Variants in SCTR observed in about 807,000 individuals in gnomAD.
SCTR encodes pancreatic secretin receptor.
SCTR carries 56 observed loss-of-function variants against 60.8 expected under a neutral mutation model. That is an observed-to-expected ratio of 0.92 (90% CI 0.74 to 1.15). The LOEUF is 1.15. SCTR is among the 50% of genes most tolerant of loss of function. SCTR has a pLI of 0.00. For missense variants in SCTR, 562 were observed against 550.4 expected (o/e 1.02, Z -0.21); for synonymous variants, 202 against 217.0 (o/e 0.93, Z 0.61).
At chr2:119,478,968 G>T in intron 2 of SCTR, 50 bp from the exon 3 acceptor site, 1 of 1,610,800 alleles carries the variant, frequency 6.2e-7, no homozygotes, top group Non-Finnish European at 8.5e-7. Flanking sequence ...ACCGAGGGCT[G>T]CCCTACCATC....
intron 3 of SCTR, among the ~76,000 whole-genome samples, chr2:119,478,192 C>A (rs1677421892): frequency 6.6e-6 from 1 of 152,178 alleles, no homozygotes. Flanking sequence ...TTTACTGGAT[C>A]AAGGGAAAAG....
At chr2:119,497,090 A>C (rs1678378650) in intron 1 of SCTR, among the ~76,000 whole-genome samples, 1 of 152,182 alleles carries the variant, frequency 6.6e-6, no homozygotes, top group Non-Finnish European at 1.5e-5. Flanking sequence ...CCTCCTCTTC[A>C]TGTCTTCACC....
chr2:119,486,249 A>T (rs544581837), intron 2 of SCTR: 1 of 152,232 alleles, frequency 6.6e-6, no homozygotes, highest in East Asian at 1.9e-4. Flanking sequence ...TAGGAGACGG[A>T]AGAGCATCAG....
In SCTR at chr2:119,444,221, A is replaced by G. The variant is rs184358202; in HGVS notation, c.1140+2538T>C. Among the ~76,000 whole-genome samples the G allele has an allele frequency of 8.2e-3, 1,208 of 147,004 alleles. 29 individuals are homozygous for G. Among genetic ancestry groups the G allele is most frequent in the Non-Finnish European group, 0.012 (814 of 66,902 alleles). On this transcript the variant is annotated intron_variant, in intron 11 of 12. Transcript: ENST00000019103. ...CATATGTATATATACATATGAATAT[A>G]TACACATATACATATGAATATATAC...
At chr2:119,505,356 A>C (rs1358416293) in intron 1 of SCTR, among the ~76,000 whole-genome samples, 1 of 151,822 alleles carries the variant, frequency 6.6e-6, no homozygotes, top group Non-Finnish European at 1.5e-5. Context: ...TAACATTAGG[A>C]GATATATCTA....
chr2:119,514,737 G>T (rs1274824779), intron 1 of SCTR, among the ~76,000 whole-genome samples: 2 of 152,128 alleles, frequency 1.3e-5, no homozygotes, highest in African/African-American at 2.4e-5. Flanking sequence ...AATCAGCCAA[G>T]CGTGGTGGCG....
chr2:119,497,664 A>T (rs1678401869), intron 1 of SCTR, among the ~76,000 whole-genome samples: 2 of 152,132 alleles, frequency 1.3e-5, no homozygotes, highest in Admixed American at 1.3e-4. Context: ...GAAATAAAAG[A>T]TATAAAGAAG....
At chr2:119,483,972 G>C (rs1471767383) in intron 2 of SCTR, among the ~76,000 whole-genome samples, 4 of 152,110 alleles carry the variant, frequency 2.6e-5, no homozygotes, top group Non-Finnish European at 5.9e-5. Context: ...ATGGGAGGCA[G>C]GGGAGAGCGC....
At chr2:119,472,190 G>A (rs184090195) in intron 4 of SCTR, among the ~76,000 whole-genome samples, 3 of 152,272 alleles carry the variant, frequency 2.0e-5, no homozygotes, top group East Asian at 3.9e-4. Context: ...GGTGGCACAC[G>A]CTGATCATTT....
At chr2:119,459,586 T>A (rs911649921) in intron 7 of SCTR, among the ~76,000 whole-genome samples, 16 of 152,334 alleles carry the variant, frequency 1.1e-4, no homozygotes, top group Admixed American at 7.2e-4. Flanking sequence ...TCAGGGTCTC[T>A]TTGGTGTCTG....
At chr2:119,445,819 A>G (rs1278658968) in intron 11 of SCTR, among the ~76,000 whole-genome samples, 1 of 152,230 alleles carries the variant, frequency 6.6e-6, no homozygotes. Context: ...TCCCTATCAT[A>G]CTTATGACCC....
chr2:119,474,274 C>T (rs1376889669), intron 3 of SCTR, among the ~76,000 whole-genome samples: 1 of 152,166 alleles, frequency 6.6e-6, no homozygotes, highest in African/African-American at 2.4e-5. Context: ...GCTGGCTGGA[C>T]AGAAAGGCAA....
intron 2 of SCTR, among the ~76,000 whole-genome samples, chr2:119,493,723 C>T (rs534439381): frequency 1.3e-5 from 2 of 149,242 alleles, no homozygotes; most frequent in African/African-American, 4.9e-5. Flanking sequence ...CTCACTGCAA[C>T]CTCTGCATCC....
chr2:119,468,770 A>G (rs1438941061), intron 4 of SCTR, among the ~76,000 whole-genome samples: 1 of 152,224 alleles, frequency 6.6e-6, no homozygotes, highest in Non-Finnish European at 1.5e-5. Flanking sequence ...TAAGAGTCAC[A>G]TTAATAAACT....
chr2:119,489,139 G>T (rs1021876372), intron 2 of SCTR, among the ~76,000 whole-genome samples: 2 of 152,124 alleles, frequency 1.3e-5, no homozygotes, highest in Non-Finnish European at 1.5e-5. Flanking sequence ...CCACTCCATA[G>T]GGGAAGGCCA....
At chr2:119,501,464 C>A (rs865878518) in intron 1 of SCTR, among the ~76,000 whole-genome samples, 7 of 151,572 alleles carry the variant, frequency 4.6e-5, no homozygotes, top group African/African-American at 1.7e-4. Flanking sequence ...TGTTTACCAC[C>A]TGCTGGGAAG....
intron 4 of SCTR, 59 bp downstream of exon 4, chr2:119,473,393 GC>G: frequency 8.3e-7 from 1 of 1,202,174 alleles, no homozygotes; most frequent in East Asian, 2.3e-5. Context: ...CTCTCCCAGG[GC>G]CTCCTCACCC....
chr2:119,490,925 T>C (rs547742047), intron 2 of SCTR, among the ~76,000 whole-genome samples: 2 of 152,320 alleles, frequency 1.3e-5, no homozygotes, highest in African/African-American at 4.8e-5. Context: ...GACAGGGCAC[T>C]GGTGGATGCA....
At chr2:119,463,062 T>TACACACAC (rs35496213) in intron 6 of SCTR, among the ~76,000 whole-genome samples, 40 of 148,400 alleles carry the variant, frequency 2.7e-4, no homozygotes, top group African/African-American at 9.3e-4. Flanking sequence ...AGTCAGAAAA[T>TACACACAC]ACACACACAC....
Sources: allele counts gnomAD v4.1 joint callset (sites outside exome capture counted in the v4.1 genomes callset), GRCh38; gene constraint gnomAD v4.1.1; transcripts MANE v1.5; gene names NCBI Gene and HGNC (gene_info 2026-07-23, HGNC 2026-07-21).